PDGFRA: variants seen among roughly 807,000 people sequenced by gnomAD.
The protein encoded by PDGFRA is platelet-derived growth factor receptor alpha.
A neutral mutation model predicts 121.5 loss-of-function variants in PDGFRA; 25 were observed. The observed-to-expected ratio is 0.21, with a 90% CI of 0.15 to 0.29. The LOEUF (loss-of-function observed/expected upper bound fraction) is 0.29, where lower values mean the gene tolerates loss of function less well. Among genes scored for constraint, PDGFRA ranks in the 10% least tolerant of loss-of-function variants. The probability of loss-of-function intolerance (pLI) is 1.00; values close to 1 mark genes in which losing one functional copy is unlikely to be tolerated. For missense variants in PDGFRA, 1,008 were observed against 1,345.1 expected, an observed-to-expected ratio of 0.75 and a Z score of 3.92; for synonymous variants, 463 against 494.8, an observed-to-expected ratio of 0.94 and a Z score of 0.85.
At chr4:54,264,209 A>C (rs1722911434) in intron 4 of PDGFRA, 1 of 516,610 alleles carries the variant, frequency 1.9e-6, no homozygotes, top group African/African-American at 1.9e-5. Flanking sequence ...ACTTTCATTC[A>C]CATTCCTGAC....
intron 1 of PDGFRA, 49 bp from the exon 2 acceptor site, chr4:54,258,708 G>T (rs1313739901): frequency 1.8e-6 from 2 of 1,101,580 alleles, no homozygotes; most frequent in South Asian, 1.2e-5. Context: ...AGGCTCCAGG[G>T]TTGTTTCTAT....
At chr4:54,246,698 G>A (rs1721689182) in intron 1 of PDGFRA, among the ~76,000 whole-genome samples, 1 of 151,494 alleles carries the variant, frequency 6.6e-6, no homozygotes, top group Non-Finnish European at 1.5e-5. Flanking sequence ...CTAGCAGAAG[G>A]CAAGAAATAA....
Position 54,296,251 on chromosome 4 carries a change from C to T in PDGFRA, c.*979C>T, listed in dbSNP as rs993736704. On this transcript the variant is annotated 3_prime_UTR_variant, in exon 23 of 23. Coordinates refer to ENST00000257290, the MANE Select transcript of PDGFRA (RefSeq NM_006206.6). ...ATAATGGGATTAGAAACAAACAAAA[C>T]TCTTAAGTCCTAAAAGTTCTCAATG... The T allele has an allele frequency of 1.3e-5, 3 of 232,772 alleles. No homozygotes were observed. The highest frequency in any genetic ancestry group is 6.6e-5 in the African/African-American group (3 of 45,296). The allele number at this position is 232,772 out of a possible 1,614,324, so 14.4% of individuals were successfully genotyped here. A position where few individuals can be genotyped will look rare whatever the true frequency, so the allele number is the denominator to read the frequency against.
At position 54,240,942 on chromosome 4, in the gene PDGFRA, G is replaced by A. The variant is rs370277621; in HGVS notation, c.-13+11527G>A. On this transcript the variant is annotated intron_variant, in intron 1 of 22. Transcript: ENST00000257290. ...TATGTGTGTGTATAAATGTCTAGAT[G>A]TGTTTATGTGTATGTACATTTATTA... 5.9e-5 allele frequency among the ~76,000 whole-genome samples: 9 copies of A among 152,278 alleles called. No homozygotes were observed. In the South Asian group the frequency reaches 1.7e-3, roughly 28 times the overall value.
At chr4:54,256,492 C>T (rs1050350799) in intron 1 of PDGFRA, among the ~76,000 whole-genome samples, 3 of 150,842 alleles carry the variant, frequency 2.0e-5, no homozygotes, top group Admixed American at 6.6e-5. Flanking sequence ...CCTGCCTTGG[C>T]CTCCCAAAGT....
chr4:54,243,552 A>G (rs1408598336), intron 1 of PDGFRA: 2 of 152,234 alleles, frequency 1.3e-5, no homozygotes, highest in Non-Finnish European at 2.9e-5. Flanking sequence ...TCTGTGTGTA[A>G]ACATTGGCTA....
In PDGFRA at chr4:54,285,833, C is replaced by G. The variant is rs2110337333; in HGVS notation, c.2440-8C>G. The G allele has an allele frequency of 6.2e-7, 1 of 1,613,942 alleles. No individual in the cohort carries two copies. Among genetic ancestry groups the G allele is most frequent in the Non-Finnish European group, 8.5e-7 (1 of 1,179,892 alleles). On this transcript the variant is annotated splice_polypyrimidine_tract_variant and splice_region_variant and intron_variant, in intron 17 of 22. Transcript: ENST00000257290. ...TGATCCTGAGTCATTTCTTCCTTTT[C>G]CATGCAGTGTGTCCACCGTGATCTG...
intron 1 of PDGFRA, among the ~76,000 whole-genome samples, chr4:54,236,710 G>A (rs1721034322): frequency 6.6e-6 from 1 of 152,058 alleles, no homozygotes; most frequent in African/African-American, 2.4e-5. Context: ...GGCTGAGACA[G>A]GAGAATCGCT....
At chr4:54,275,066 G>C in intron 12 of PDGFRA, 93 bp downstream of exon 12, 1 of 1,396,196 alleles carries the variant, frequency 7.2e-7, no homozygotes, top group Admixed American at 1.7e-5. Flanking sequence ...ATCTGAGCTT[G>C]TGCTTAGTAA....
At chr4:54,284,891 T>C (rs1405661098) in intron 16 of PDGFRA, among the ~76,000 whole-genome samples, 1 of 137,114 alleles carries the variant, frequency 7.3e-6, no homozygotes, top group Non-Finnish European at 1.6e-5. Flanking sequence ...TTTTTTTTTT[T>C]TTTTTTTTTT....
At chr4:54,248,292 A>C (rs1721817248) in intron 1 of PDGFRA, among the ~76,000 whole-genome samples, 1 of 152,246 alleles carries the variant, frequency 6.6e-6, no homozygotes, top group Admixed American at 6.5e-5. Context: ...AGCTGGAGGC[A>C]TCACGCTACC....
chr4:54,273,849 T>C lies in PDGFRA; in HGVS notation c.1558+119T>C, dbSNP rs869978. 612,783 of 807,178 alleles carry C rather than the reference T, an allele frequency of 0.76. 237,610 individuals are homozygous for C. The highest frequency in any genetic ancestry group is 0.8 in the Non-Finnish European group (386,273 of 481,698). 50.0% of individuals were successfully genotyped at this position (807,178 alleles called of 1,614,324 possible). A position where few individuals can be genotyped will look rare whatever the true frequency, so the allele number is the denominator to read the frequency against. On this transcript the variant is annotated intron_variant, in intron 10 of 22. Coordinates refer to ENST00000257290, the MANE Select transcript of PDGFRA (RefSeq NM_006206.6). ...AGGTCCCAAGGCAGAAATTCAGTTATGAATGCTCTTAAAGTCATGTGGGAC... is the reference window on the plus strand; with the variant it reads ...AGGTCCCAAGGCAGAAATTCAGTTACGAATGCTCTTAAAGTCATGTGGGAC...
intron 1 of PDGFRA, among the ~76,000 whole-genome samples, chr4:54,252,140 A>T (rs964797238): frequency 6.6e-6 from 1 of 152,338 alleles, no homozygotes; most frequent in African/African-American, 2.4e-5. Flanking sequence ...GTTGCTCAGA[A>T]GAAATAAGAG....
intron 9 of PDGFRA, among the ~76,000 whole-genome samples, chr4:54,272,789 T>C (rs1451653846): frequency 1.3e-5 from 2 of 152,164 alleles, no homozygotes; most frequent in African/African-American, 4.8e-5. Context: ...ACATATCTTA[T>C]TTGGTGAACT....
In PDGFRA at chr4:54,295,556, G is replaced by A. The variant is rs1368691867; in HGVS notation, c.*284G>A. The A allele has an allele frequency of 1.5e-5, 7 of 478,330 alleles. No individual in the cohort carries two copies. Among genetic ancestry groups the A allele is most frequent in the Non-Finnish European group, 2.3e-5 (6 of 260,222 alleles). The allele number at this position is 478,330 out of a possible 1,614,324, so 29.6% of individuals were successfully genotyped here. Reference sequence around the variant, plus strand: ...TAATAGGCCACAGAAGGTGAACTTTGTGCTTCAAGGACATTGGTGAGAGTC... The same window carrying A: ...TAATAGGCCACAGAAGGTGAACTTTATGCTTCAAGGACATTGGTGAGAGTC... On this transcript the variant is annotated 3_prime_UTR_variant, in exon 23 of 23. Coordinates refer to ENST00000257290, the MANE Select transcript of PDGFRA (RefSeq NM_006206.6).
At chr4:54,271,303 G>C (rs1197790066) in intron 8 of PDGFRA, among the ~76,000 whole-genome samples, 1 of 152,144 alleles carries the variant, frequency 6.6e-6, no homozygotes, top group African/African-American at 2.4e-5. Flanking sequence ...GCTGTCTGAG[G>C]TGCGCTCATG....
At chr4:54,247,701 A>C (rs1388297266) in intron 1 of PDGFRA, among the ~76,000 whole-genome samples, 1 of 152,204 alleles carries the variant, frequency 6.6e-6, no homozygotes, top group Admixed American at 6.5e-5. Flanking sequence ...TATTCAACAT[A>C]GTGTTGGACG....
At chr4:54,278,557 AG>A in intron 15 of PDGFRA, 42 bp downstream of exon 15, 2 of 1,591,628 alleles carry the variant, frequency 1.3e-6, no homozygotes, top group South Asian at 2.2e-5. Context: ...ATTATCTTAC[AG>A]GCATCACAAA....
At chr4:54,281,725 G>A in intron 16 of PDGFRA, 7 of 1,353,262 alleles carry the variant, frequency 5.2e-6, no homozygotes, top group Non-Finnish European at 6.8e-6. Context: ...CTCTTCACTT[G>A]CTGAACATTT....
Sources: allele counts gnomAD v4.1 joint callset (sites outside exome capture counted in the v4.1 genomes callset), GRCh38; gene constraint gnomAD v4.1.1; transcripts MANE v1.5; gene names NCBI Gene and HGNC (gene_info 2026-07-23, HGNC 2026-07-21).